The following PAG1 variants were observed in gnomAD, a reference collection of about 807,000 sequenced individuals.
PAG1 encodes phosphoprotein membrane anchor with glycosphingolipid microdomains 1, also known as phosphoprotein associated with glycosphingolipid-enriched microdomains 1.
Under a neutral mutation model 31.7 loss-of-function variants are expected in PAG1, and 23 were observed. That is an observed-to-expected ratio of 0.73 (90% CI 0.52 to 1.03). The LOEUF is 1.03. Among genes scored for constraint, PAG1 ranks in the 50% least tolerant of loss-of-function variants. PAG1 has a pLI of 0.00. For synonymous variants in PAG1, 214 were observed against 210.3 expected, an observed-to-expected ratio of 1.02 and a Z score of -0.15; for missense variants, 473 against 540.7, an observed-to-expected ratio of 0.87 and a Z score of 1.24.
intron 3 of PAG1, among the ~76,000 whole-genome samples, chr8:80,994,968 G>A (rs1807640116): frequency 6.6e-6 from 1 of 152,216 alleles, no homozygotes; most frequent in Non-Finnish European, 1.5e-5. Flanking sequence ...ATAAAGCTGT[G>A]ACTGTTTTCA....
chr8:81,069,392 C>T (rs1285237602), intron 2 of PAG1, among the ~76,000 whole-genome samples: 3 of 152,150 alleles, frequency 2.0e-5, no homozygotes, highest in African/African-American at 4.8e-5. Context: ...GGCCATAACA[C>T]TTGAGGTTTG....
At chr8:81,049,442 C>T (rs1361269704) in intron 2 of PAG1, among the ~76,000 whole-genome samples, 1 of 152,094 alleles carries the variant, frequency 6.6e-6, no homozygotes, top group Non-Finnish European at 1.5e-5. Flanking sequence ...TCAATGTCCA[C>T]CTATGAAAAT....
chr8:81,050,697 A>C (rs4489281), intron 2 of PAG1, among the ~76,000 whole-genome samples: 41,756 of 149,632 alleles, frequency 0.28, 7,344 homozygotes, highest in African/African-American at 0.53. Flanking sequence ...GGAAAACAGA[A>C]AGACAAGTAA....
chr8:81,093,686 C>T (rs1809482988), intron 1 of PAG1, among the ~76,000 whole-genome samples: 2 of 151,966 alleles, frequency 1.3e-5, no homozygotes, highest in Non-Finnish European at 2.9e-5. Flanking sequence ...CAAGACCAAG[C>T]AGCACAATAT....
chr8:81,072,138 G>T (rs1292482007), intron 1 of PAG1, among the ~76,000 whole-genome samples: 1 of 152,204 alleles, frequency 6.6e-6, no homozygotes, highest in Non-Finnish European at 1.5e-5. Context: ...GGTTCTGCTA[G>T]TGAGTATATC....
intron 3 of PAG1, among the ~76,000 whole-genome samples, chr8:81,025,537 C>T (rs564914869): frequency 1.5e-4 from 23 of 152,256 alleles, no homozygotes; most frequent in East Asian, 7.7e-4. Flanking sequence ...TCCTGGAGAG[C>T]GGCTGCTCTC....
In PAG1 at chr8:80,976,560, T is replaced by TGCTGAATGA; in HGVS notation, c.1282_1283insTCATTCAGC (p.Asp428delinsValIleGlnHis). The TGCTGAATGA allele has an allele frequency of 1.9e-6, 3 of 1,612,592 alleles. No individual in the cohort carries two copies. The highest frequency in any genetic ancestry group is 2.5e-6 in the Non-Finnish European group (3 of 1,179,530). The stretch of plus-strand genomic sequence containing the variant: ...TCTGGGTTGCTAGAGCCTGGTAATA[T>TGCTGAATGA]CTCTGCCTTGCTGCAAGTCACTTAT... On this transcript the variant is annotated protein_altering_variant, in exon 9 of 9. Coordinates refer to ENST00000220597, the MANE Select transcript of PAG1 (RefSeq NM_018440.4).
At chr8:81,052,812 C>T (rs1297445278) in intron 2 of PAG1, among the ~76,000 whole-genome samples, 1 of 152,174 alleles carries the variant, frequency 6.6e-6, no homozygotes, top group Non-Finnish European at 1.5e-5. Flanking sequence ...GACTTAAATG[C>T]TATAAACATC....
intron 2 of PAG1, among the ~76,000 whole-genome samples, chr8:81,062,537 T>C (rs769130352): frequency 2.0e-5 from 3 of 152,222 alleles, no homozygotes; most frequent in Non-Finnish European, 4.4e-5. Flanking sequence ...CATTATCAGA[T>C]ATTTTTCATT....
chr8:81,103,154 G>GAA (rs34583693), intron 1 of PAG1, among the ~76,000 whole-genome samples: 1 of 61,436 alleles, frequency 1.6e-5, no homozygotes. Context: ...CATTTTGTGG[G>GAA]AAAAAAAAAA....
At chr8:81,048,177 T>G (rs1039302055) in intron 2 of PAG1, among the ~76,000 whole-genome samples, 4 of 152,172 alleles carry the variant, frequency 2.6e-5, no homozygotes, top group Non-Finnish European at 5.9e-5. Flanking sequence ...ACCACTTAGC[T>G]CTAAGTCCTG....
At chr8:81,088,621 A>C (rs1172433386) in intron 1 of PAG1, among the ~76,000 whole-genome samples, 2 of 152,266 alleles carry the variant, frequency 1.3e-5, no homozygotes, top group Non-Finnish European at 2.9e-5. Context: ...ATAGTGGGAA[A>C]GTACTAAGTC....
At chr8:81,018,459 C>T (rs1465943616) in intron 3 of PAG1, among the ~76,000 whole-genome samples, 1 of 152,238 alleles carries the variant, frequency 6.6e-6, no homozygotes, top group Non-Finnish European at 1.5e-5. Context: ...TATGGTTTGG[C>T]TGTGTCCCCA....
At position 81,082,201 on chromosome 8, in the gene PAG1, C is replaced by T. The variant is rs193081876; in HGVS notation, c.-233-12031G>A. Among the ~76,000 whole-genome samples the T allele has an allele frequency of 1.9e-3, 264 of 140,536 alleles. 1 individual carries two copies. Among genetic ancestry groups the T allele is most frequent in the African/African-American group, 6.4e-3 (237 of 36,850 alleles). 92.2% of individuals were successfully genotyped at this position (140,536 alleles called of 152,430 possible). A position where few individuals can be genotyped will look rare whatever the true frequency, so the allele number is the denominator to read the frequency against. ...CTAGCAGGCAGAGGTTGCAGTGAGCCGAGACTGTGCCACTGTGCTCCAGCC... is the reference window on the plus strand; with the variant it reads ...CTAGCAGGCAGAGGTTGCAGTGAGCTGAGACTGTGCCACTGTGCTCCAGCC... On this transcript the variant is annotated intron_variant, in intron 1 of 8. Coordinates refer to ENST00000220597, the MANE Select transcript of PAG1 (RefSeq NM_018440.4).
chr8:80,996,597 T>C (rs10108472), intron 3 of PAG1, among the ~76,000 whole-genome samples: 26,168 of 152,044 alleles, frequency 0.17, 2,507 homozygotes, highest in African/African-American at 0.26. Flanking sequence ...GTGGACCGGC[T>C]CCTCCCCTGT....
chr8:81,107,756 A>T (rs920088373), intron 1 of PAG1, among the ~76,000 whole-genome samples: 1 of 152,192 alleles, frequency 6.6e-6, no homozygotes, highest in African/African-American at 2.4e-5. Flanking sequence ...TTCCCCTCAT[A>T]CTTAACCCCT....
intron 2 of PAG1, among the ~76,000 whole-genome samples, chr8:81,034,921 T>C (rs1808438493): frequency 6.6e-6 from 1 of 151,596 alleles, no homozygotes; most frequent in African/African-American, 2.4e-5. Context: ...AAGAGCAGAG[T>C]AGAAGAGCCT....
Position 81,073,032 on chromosome 8 carries a change from A to T in PAG1, c.-233-2862T>A, listed in dbSNP as rs191339923. On this transcript the variant is annotated intron_variant, in intron 1 of 8. Coordinates refer to ENST00000220597, the MANE Select transcript of PAG1 (RefSeq NM_018440.4). ...GATATGCCTTTCCTTCACTTTCAGT[A>T]GACTGAACGCCTGACTCCTTGAGAA... Among the ~76,000 whole-genome samples the T allele has an allele frequency of 5.9e-5, 9 of 152,366 alleles. No homozygotes were observed. In the East Asian group the frequency reaches 1.5e-3, roughly 26 times the overall value.
Position 80,993,257 on chromosome 8 carries a change from G to A in PAG1, c.-30C>T, listed in dbSNP as rs779874204. The A allele has an allele frequency of 6.3e-6, 10 of 1,585,642 alleles. No homozygotes were observed. The highest frequency in any genetic ancestry group is 2.3e-5 in the East Asian group (1 of 43,834). On this transcript the variant is annotated 5_prime_UTR_variant, in exon 4 of 9. Transcript: ENST00000220597. Reference sequence around the variant, plus strand: ...GGAGCAGGCACTGGCACCAGCCGAGGGAATCAGTCAGTCCTTCAAAGGTGG... The same window carrying A: ...GGAGCAGGCACTGGCACCAGCCGAGAGAATCAGTCAGTCCTTCAAAGGTGG...
Sources: gnomAD v4.1 joint callset for allele counts (sites outside exome capture counted in the v4.1 genomes callset) on GRCh38, gnomAD v4.1.1 for gene constraint, MANE v1.5 for transcripts, NCBI Gene and HGNC (gene_info 2026-07-23, HGNC 2026-07-21) for gene names.